CDH13: variants seen among roughly 807,000 people sequenced by gnomAD.
The protein encoded by CDH13 is cadherin 13, also known as cadherin-13.
Under a neutral mutation model 63.8 loss-of-function variants are expected in CDH13, and 24 were observed. The ratio of observed to expected loss-of-function variants is 0.38; its 90% CI spans 0.27 to 0.53. The LOEUF (loss-of-function observed/expected upper bound fraction) is 0.53. CDH13 is among the 20% of genes least tolerant of loss of function. CDH13 has a pLI of 0.85. For synonymous variants in CDH13, 503 were observed against 355.3 expected, an observed-to-expected ratio of 1.42 and a Z score of -4.67; for missense variants, 1,049 against 903.1, an observed-to-expected ratio of 1.16 and a Z score of -2.07.
chr16:83,754,371 G>A (rs28731781), intron 11 of CDH13, among the ~76,000 whole-genome samples: 16,989 of 152,070 alleles, frequency 0.11, 1,815 homozygotes, highest in African/African-American at 0.29. Context: ...TCCCAGTAGG[G>A]CCATGCCCAG....
chr16:82,900,934 G>A (rs1259884256), intron 2 of CDH13, among the ~76,000 whole-genome samples: 1 of 152,214 alleles, frequency 6.6e-6, no homozygotes, highest in Admixed American at 6.5e-5. Context: ...TAAATCCCAG[G>A]AATGGGGCCT....
intron 10 of CDH13, among the ~76,000 whole-genome samples, chr16:83,733,091 C>A (rs1296563879): frequency 1.3e-5 from 2 of 152,224 alleles, no homozygotes; most frequent in Non-Finnish European, 2.9e-5. Flanking sequence ...TCACTGCAAA[C>A]TCCCCAGTCC....
At position 83,574,503 on chromosome 16, in the gene CDH13, C is replaced by G. The variant is rs114096504; in HGVS notation, c.961-27951C>G. Among the ~76,000 whole-genome samples, 1,123 of 152,262 alleles carry G rather than the reference C, an allele frequency of 7.4e-3. 14 individuals are homozygous for G. The highest frequency in any genetic ancestry group is 0.025 in the African/African-American group (1,056 of 41,552). ...ATACCCAGGTCTGGATTAGGTGTGT[C>G]ACTTACAGTTGCTGCTCTGAGATCA... On this transcript the variant is annotated intron_variant, in intron 7 of 13. Coordinates refer to ENST00000567109, the MANE Select transcript of CDH13 (RefSeq NM_001257.5).
chr16:83,745,591 T>A (rs1370468824), intron 10 of CDH13, among the ~76,000 whole-genome samples: 2 of 152,142 alleles, frequency 1.3e-5, no homozygotes, highest in African/African-American at 2.4e-5. Flanking sequence ...ACTGCATAGA[T>A]GCCCATTCCC....
At chr16:83,738,607 T>C (rs1911759984) in intron 10 of CDH13, among the ~76,000 whole-genome samples, 2 of 152,180 alleles carry the variant, frequency 1.3e-5, no homozygotes, top group Non-Finnish European at 1.5e-5. Flanking sequence ...ATGTAGTCTC[T>C]AGAATTAAAA....
intron 2 of CDH13, among the ~76,000 whole-genome samples, chr16:82,944,265 C>A (rs1002144864): frequency 1.3e-5 from 2 of 152,096 alleles, no homozygotes; most frequent in African/African-American, 4.8e-5. Context: ...ATCCTCCAGT[C>A]CCAGGCTTCT....
At chr16:83,440,917 A>T (rs2072462690) in intron 6 of CDH13, among the ~76,000 whole-genome samples, 2 of 152,008 alleles carry the variant, frequency 1.3e-5, no homozygotes, top group South Asian at 4.2e-4. Flanking sequence ...ACTGTGACCT[A>T]CCTGGAGGGT....
chr16:82,711,108 A>G (rs1031556300), intron 1 of CDH13, among the ~76,000 whole-genome samples: 7 of 152,060 alleles, frequency 4.6e-5, no homozygotes, highest in South Asian at 4.1e-4. Context: ...GGCAGTTTCT[A>G]CGTCTTTCTC....
At chr16:82,784,069 A>G (rs17192123) in intron 1 of CDH13, among the ~76,000 whole-genome samples, 45,761 of 151,932 alleles carry the variant, frequency 0.3, 7,500 homozygotes, top group South Asian at 0.45. Flanking sequence ...TTTGAATGCA[A>G]ATGTATTAGT....
In CDH13 at chr16:83,093,294, CTTTTTTTTTTTTTTTTTTTTTTTTT is replaced by C. The variant is rs549590536; in HGVS notation, c.367-32077_367-32053del. Among the ~76,000 whole-genome samples, 6 of 35,292 alleles carry C rather than the reference CTTTTTTTTTTTTTTTTTTTTTTTTT, an allele frequency of 1.7e-4. No homozygotes were observed. The South Asian group carries it at 7.7e-3, about 45-fold the overall frequency. The allele number at this position is 35,292 out of a possible 152,430, so 23.2% of individuals were successfully genotyped here. A position where few individuals can be genotyped will look rare whatever the true frequency, so the allele number is the denominator to read the frequency against. ...TTGTCCTGTGGAAACACCATAAGTACTTTTTTTTTTTTTTTTTTTTTTTTTTTTTTTTTTTTTTGAGGTGGAGTCT... is the reference window on the plus strand; with the variant it reads ...TTGTCCTGTGGAAACACCATAAGTACTTTTTTTTTTTTTGAGGTGGAGTCT... On this transcript the variant is annotated intron_variant, in intron 3 of 13. Transcript: ENST00000567109.
At chr16:82,703,815 T>A (rs1374494735) in intron 1 of CDH13, among the ~76,000 whole-genome samples, 1 of 152,122 alleles carries the variant, frequency 6.6e-6, no homozygotes, top group East Asian at 1.9e-4. Flanking sequence ...TACAACAATG[T>A]GTATATACTT....
intron 7 of CDH13, among the ~76,000 whole-genome samples, chr16:83,592,928 G>C (rs535752787): frequency 2.0e-5 from 3 of 152,116 alleles, no homozygotes; most frequent in Non-Finnish European, 1.5e-5. Flanking sequence ...AACATCGCTC[G>C]ACCTCTGCAG....
intron 1 of CDH13, among the ~76,000 whole-genome samples, chr16:82,682,783 T>G (rs1914681716): frequency 6.6e-6 from 1 of 152,198 alleles, no homozygotes; most frequent in African/African-American, 2.4e-5. Context: ...TGGAAAGATC[T>G]TCTGAGAAGG....
At chr16:82,982,276 T>C (rs1910371995) in intron 2 of CDH13, among the ~76,000 whole-genome samples, 1 of 152,178 alleles carries the variant, frequency 6.6e-6, no homozygotes, top group Admixed American at 6.5e-5. Context: ...AATAATAAGA[T>C]GTTATTTATG....
chr16:83,094,985 A>G (rs956926611), intron 3 of CDH13, among the ~76,000 whole-genome samples: 1 of 152,208 alleles, frequency 6.6e-6, no homozygotes, highest in Non-Finnish European at 1.5e-5. Flanking sequence ...CTATTGTAGG[A>G]TTAATCATCA....
chr16:82,747,058 A>T (rs1268719948), intron 1 of CDH13, among the ~76,000 whole-genome samples: 1 of 152,242 alleles, frequency 6.6e-6, no homozygotes, highest in African/African-American at 2.4e-5. Context: ...AGACAATGTG[A>T]TTGATACAAA....
At chr16:82,757,661 T>G (rs201680847) in intron 1 of CDH13, among the ~76,000 whole-genome samples, 1,240 of 103,400 alleles carry the variant, frequency 0.012, 17 homozygotes, top group African/African-American at 0.015. Context: ...TTTTTTTTTT[T>G]GGGGACAGAG....
rs534693228 is a variant in CDH13, at chr16:82,846,741, T to G, written c.46-11621T>G. Among the ~76,000 whole-genome samples the G allele has an allele frequency of 1.4e-3, 214 of 152,320 alleles. 1 individual carries two copies. The highest frequency in any genetic ancestry group is 5.0e-3 in the African/African-American group (208 of 41,558). The stretch of plus-strand genomic sequence containing the variant: ...TTTAAGGGTTTTATTCATTTTTCCA[T>G]CTCTAGTATCTAGGCCAGAGCCTGG... On this transcript the variant is annotated intron_variant, in intron 1 of 13. Transcript: ENST00000567109.
chr16:82,897,656 A>AAG (rs1395576062), intron 2 of CDH13, among the ~76,000 whole-genome samples: 1 of 152,266 alleles, frequency 6.6e-6, no homozygotes, highest in African/African-American at 2.4e-5. Flanking sequence ...GTTGACACTT[A>AAG]AAGCCCATAC....
Sources: allele counts gnomAD v4.1 joint callset (sites outside exome capture counted in the v4.1 genomes callset), GRCh38; gene constraint gnomAD v4.1.1; transcripts MANE v1.5; gene names NCBI Gene and HGNC (gene_info 2026-07-23, HGNC 2026-07-21).